PCDHA5: variants seen among roughly 807,000 people sequenced by gnomAD.
PCDHA5 encodes protocadherin alpha 5, also known as protocadherin alpha-5.
Under a neutral mutation model 61.6 loss-of-function variants are expected in PCDHA5, and 43 were observed. The observed-to-expected ratio is 0.70, with a 90% confidence interval of 0.55 to 0.90. The LOEUF (loss-of-function observed/expected upper bound fraction) is 0.90, where lower values mean the gene tolerates loss of function less well. Ranked by LOEUF, PCDHA5 falls within the 40% of genes least tolerant of loss-of-function variation. The probability of loss-of-function intolerance (pLI) is 0.00; values close to 1 mark genes in which losing one functional copy is unlikely to be tolerated. For synonymous variants in PCDHA5, 627 were observed against 543.9 expected, an observed-to-expected ratio of 1.15 and a Z score of -2.13; for missense variants, 1,298 against 1,222.7, an observed-to-expected ratio of 1.06 and a Z score of -0.92.
chr5:141,004,869 A>T (rs908726845), intron 3 of PCDHA5, among the ~76,000 whole-genome samples: 3 of 152,218 alleles, frequency 2.0e-5, no homozygotes, highest in Non-Finnish European at 2.9e-5. Flanking sequence ...TTTGTTTCTC[A>T]TCCCTAAAGT....
intron 1 of PCDHA5, among the ~76,000 whole-genome samples, chr5:140,873,542 T>C (rs2054341425): frequency 6.6e-6 from 1 of 152,130 alleles, no homozygotes; most frequent in Non-Finnish European, 1.5e-5. Context: ...GGTATAAAAT[T>C]ATAATTTCAA....
chr5:140,852,915 G>T (rs112871977), intron 1 of PCDHA5: 1 of 783,362 alleles, frequency 1.3e-6, no homozygotes, highest in Non-Finnish European at 1.6e-6. Context: ...GTCTCGCTCT[G>T]TTGCCCAGGC....
chr5:140,969,822 G>A (rs559271640), intron 1 of PCDHA5, among the ~76,000 whole-genome samples: 68 of 152,320 alleles, frequency 4.5e-4, no homozygotes, highest in Non-Finnish European at 8.4e-4. Flanking sequence ...ACTCTGGACT[G>A]TCTACAGTGG....
intron 1 of PCDHA5, among the ~76,000 whole-genome samples, chr5:140,975,438 A>T (rs1436743661): frequency 5.9e-5 from 9 of 152,234 alleles, no homozygotes; most frequent in African/African-American, 1.7e-4. Flanking sequence ...ACACCAGGAT[A>T]TAGGGATCTT....
At chr5:140,825,416 A>C (rs1275589572) in intron 1 of PCDHA5, 1 of 147,362 alleles carries the variant, frequency 6.8e-6, no homozygotes. Flanking sequence ...ATTTTATATA[A>C]TATATATAAT....
Position 140,842,897 on chromosome 5 carries a change from G to A in PCDHA5, c.2352+18770G>A. On this transcript the variant is annotated intron_variant, in intron 1 of 3. Transcript: ENST00000529859. ...GTACGCGCTGCAGCCGCTGGACCAC[G>A]AGGAGCTAGAGCTGCTGCAGTTCCA... The A allele has an allele frequency of 1.3e-6, 2 of 1,594,388 alleles. No homozygotes were observed. Among genetic ancestry groups the A allele is most frequent in the Non-Finnish European group, 1.7e-6 (2 of 1,165,484 alleles).
chr5:140,877,637 G>A (rs1554169943), intron 1 of PCDHA5: 1 of 1,613,520 alleles, frequency 6.2e-7, no homozygotes, highest in Non-Finnish European at 8.5e-7. Context: ...ACTGCGCTGC[G>A]TTGCTCAGCG....
intron 1 of PCDHA5, chr5:140,848,977 A>C (rs2150427682): frequency 6.2e-7 from 1 of 1,600,464 alleles, no homozygotes; most frequent in South Asian, 1.1e-5. Context: ...TCCGATGCAG[A>C]TATCGGGGAG....
At chr5:141,007,395 CAAAAAAAAAAAA>C (rs35800918) in intron 3 of PCDHA5, among the ~76,000 whole-genome samples, 1 of 94,866 alleles carries the variant, frequency 1.1e-5, no homozygotes, top group Non-Finnish European at 2.1e-5. Flanking sequence ...TACTAAAATA[CAAAAAAAAAAAA>C]AAAAAAAAAA....
chr5:140,927,265 C>G lies in PCDHA5; in HGVS notation c.2353-51684C>G, dbSNP rs2084026948. The G allele has an allele frequency of 6.2e-7, 1 of 1,614,168 alleles. No individual in the cohort carries two copies. Among genetic ancestry groups the G allele is most frequent in the Non-Finnish European group, 8.5e-7 (1 of 1,180,038 alleles). On this transcript the variant is annotated intron_variant, in intron 1 of 3. Coordinates refer to ENST00000529859, the MANE Select transcript of PCDHA5 (RefSeq NM_018908.3). ...CACCAATGACAACTCACCTCTCTTTCCTGCCGGCGACGTGCAGCTGCACAT... is the reference window on the plus strand; with the variant it reads ...CACCAATGACAACTCACCTCTCTTTGCTGCCGGCGACGTGCAGCTGCACAT...
intron 1 of PCDHA5, chr5:140,830,060 C>CCGAG: frequency 1.2e-6 from 2 of 1,613,712 alleles, no homozygotes; most frequent in Non-Finnish European, 1.7e-6. Flanking sequence ...CCACGGTGAG[C>CCGAG]CGGCGCTGAC....
intron 1 of PCDHA5, chr5:140,968,403 T>C (rs1554230673): frequency 6.2e-7 from 1 of 1,613,984 alleles, no homozygotes; most frequent in Non-Finnish European, 8.5e-7. Context: ...CGGGAGTTCT[T>C]TGTGACTGTG....
At position 141,010,838 on chromosome 5, in the gene PCDHA5, T is replaced by G. The variant is rs2154002200; in HGVS notation, c.*901T>G. 1.3e-5 allele frequency: 2 copies of G among 153,860 alleles called. No homozygotes were observed. The highest frequency in any genetic ancestry group is 2.9e-5 in the Non-Finnish European group (2 of 68,042). The allele number at this position is 153,860 out of a possible 1,614,324, so 9.5% of individuals were successfully genotyped here. On this transcript the variant is annotated 3_prime_UTR_variant, in exon 4 of 4. Coordinates refer to ENST00000529859, the MANE Select transcript of PCDHA5 (RefSeq NM_018908.3). ...TTTCGCTGTTTGTTGTTTCATAGAT[T>G]TATTTAAAAAAAGAGAAAGTCTATA...
At chr5:140,912,721 A>G (rs377668484) in intron 1 of PCDHA5, among the ~76,000 whole-genome samples, 2 of 152,066 alleles carry the variant, frequency 1.3e-5, no homozygotes, top group East Asian at 1.9e-4. Flanking sequence ...TCTCCATTCA[A>G]TATGATGTTG....
chr5:140,842,598 C>T lies in PCDHA5; in HGVS notation c.2352+18471C>T, dbSNP rs1554139208. Reference sequence around the variant, plus strand: ...GTGTCGGCCTATGAGTTGGTGGTAACCGCGCGGGACGGGGGCTCGCCTTCG... The same window carrying T: ...GTGTCGGCCTATGAGTTGGTGGTAATCGCGCGGGACGGGGGCTCGCCTTCG... On this transcript the variant is annotated intron_variant, in intron 1 of 3. Transcript: ENST00000529859. 3 of 1,542,098 alleles carry T rather than the reference C, an allele frequency of 1.9e-6. 1 individual carries two copies. Among genetic ancestry groups the T allele is most frequent in the Non-Finnish European group, 2.7e-6 (3 of 1,131,600 alleles).
At chr5:140,829,606 G>C (rs782620810) in intron 1 of PCDHA5, 7 of 1,611,952 alleles carry the variant, frequency 4.3e-6, no homozygotes, top group African/African-American at 2.7e-5. Flanking sequence ...GCGCGTTGTC[G>C]AGCTACATTT....
rs2150261157 is a variant in PCDHA5, at chr5:140,836,447, C to T, written c.2352+12320C>T. On this transcript the variant is annotated intron_variant, in intron 1 of 3. Transcript: ENST00000529859. ...CGCGGGCATCGTTGGGCATTGCAGG[C>T]CCAGAGACCGAGCTGGTGGATGTCA... is the stretch of plus-strand genomic sequence containing the variant. 26 of 1,613,828 alleles carry T rather than the reference C, an allele frequency of 1.6e-5. No individual in the cohort carries two copies. In the African/African-American group the frequency reaches 3.1e-4, roughly 19 times the overall value.
chr5:140,822,737 C>T lies in PCDHA5; in HGVS notation c.962C>T (p.Ala321Val), dbSNP rs140652619. ...DYNSYEINIDAMDKSTFPLSG... is the reference protein window; with the variant it reads ...DYNSYEINIDVMDKSTFPLSG... Reference sequence around the variant, plus strand: ...AACTCATATGAAATTAATATTGATGCCATGGATAAAAGTACATTCCCATTA... The same window carrying T: ...AACTCATATGAAATTAATATTGATGTCATGGATAAAAGTACATTCCCATTA... The change falls in exon 1 of 4, where the codon GCC becomes GTC. Residue 321 changes from alanine to valine, a missense_variant. Ala to Val is a moderately conservative substitution (Grantham distance 64, BLOSUM62 0). Transcript: ENST00000529859. The T allele has an allele frequency of 1.5e-5, 24 of 1,613,148 alleles. No homozygotes were observed. The highest frequency in any genetic ancestry group is 1.9e-5 in the Non-Finnish European group (22 of 1,179,124).
intron 3 of PCDHA5, among the ~76,000 whole-genome samples, chr5:141,000,421 A>ATT (rs34755515): frequency 0.021 from 589 of 27,976 alleles, 60 homozygotes; most frequent in Middle Eastern, 0.062. Flanking sequence ...ATATATATAT[A>ATT]TTTTTTTTTT....
Sources: allele counts gnomAD v4.1 joint callset (sites outside exome capture counted in the v4.1 genomes callset), GRCh38; gene constraint gnomAD v4.1.1; transcripts MANE v1.5; gene names NCBI Gene and HGNC (gene_info 2026-07-23, HGNC 2026-07-21).